The following GLYATL3 variants were observed in gnomAD, a reference collection of about 807,000 sequenced individuals.
The protein encoded by GLYATL3 is glycine N-acyltransferase-like protein 3.
GLYATL3 carries 31 observed loss-of-function variants against 28.5 expected under a neutral mutation model. The observed-to-expected ratio is 1.09, with a 90% CI of 0.82 to 1.47. The LOEUF is 1.47. GLYATL3 is among the 40% of genes most tolerant of loss of function. The pLI, the probability that GLYATL3 is intolerant of heterozygous loss-of-function variation, is 0.00. For synonymous variants in GLYATL3, 141 were observed against 140.2 expected (o/e 1.01, Z -0.04); for missense variants, 369 against 351.5 (o/e 1.05, Z -0.40).
chr6:49,509,686 T>C (rs1266491781), intron 1 of GLYATL3, among the ~76,000 whole-genome samples: 1 of 152,238 alleles, frequency 6.6e-6, no homozygotes, highest in Non-Finnish European at 1.5e-5. Flanking sequence ...TGCTGCTCTA[T>C]GCATGACTGC....
intron 1 of GLYATL3, among the ~76,000 whole-genome samples, chr6:49,510,805 G>T (rs1323985202): frequency 6.6e-6 from 1 of 152,152 alleles, no homozygotes; most frequent in Non-Finnish European, 1.5e-5. Flanking sequence ...TCTGACTCCT[G>T]CAGAGAGCAC....
At chr6:49,505,337 C>G (rs1279132496) in intron 1 of GLYATL3, among the ~76,000 whole-genome samples, 2 of 152,164 alleles carry the variant, frequency 1.3e-5, no homozygotes, top group African/African-American at 4.8e-5. Context: ...GTGGCATGGA[C>G]TACATAAGCT....
At chr6:49,511,745 T>C (rs1002862486) in intron 1 of GLYATL3, among the ~76,000 whole-genome samples, 3 of 152,240 alleles carry the variant, frequency 2.0e-5, no homozygotes, top group African/African-American at 7.2e-5. Context: ...TAACCAAGGA[T>C]AGATACTCAC....
intron 1 of GLYATL3, among the ~76,000 whole-genome samples, chr6:49,506,788 C>T (rs1769018464): frequency 6.6e-6 from 1 of 152,166 alleles, no homozygotes; most frequent in Non-Finnish European, 1.5e-5. Context: ...AAAGTGGCCA[C>T]TGCTCTACCC....
chr6:49,500,763 T>C (rs144319804), intron 1 of GLYATL3, among the ~76,000 whole-genome samples: 79 of 152,270 alleles, frequency 5.2e-4, no homozygotes, highest in South Asian at 1.7e-3. Flanking sequence ...ACTAATCAAG[T>C]GGTAAGGATA....
intron 5 of GLYATL3, among the ~76,000 whole-genome samples, chr6:49,523,248 T>C (rs568503304): frequency 1.0e-3 from 154 of 152,288 alleles, no homozygotes; most frequent in African/African-American, 3.6e-3. Context: ...CCCTAAGCAA[T>C]GACCTGTAAT....
At position 49,526,558 on chromosome 6, in the gene GLYATL3, C is replaced by T. The variant is rs975050182; in HGVS notation, c.511C>T (p.Arg171Trp). ...NADLLNRTWS[R>W]GGNEQCLRYI... ...GGATCTACTCAACCGGACTTGGTCC[C>T]GGGGAGGCAATGAACAATGTCTCCG... Residue 171 changes from arginine to tryptophan, a missense_variant, in exon 6 of 6, where the codon CGG becomes TGG. Physicochemically the swap from Arg to Trp is moderately radical, Grantham distance 101 (BLOSUM62 -3). Transcript: ENST00000371197. 1.3e-5 allele frequency: 20 copies of T among 1,551,824 alleles called. No homozygotes were observed. The highest frequency in any genetic ancestry group is 1.7e-5 in the Non-Finnish European group (19 of 1,146,994).
chr6:49,526,556 C>T lies in GLYATL3; in HGVS notation c.509C>T (p.Ser170Phe), dbSNP rs1322221202. 1.1e-5 allele frequency: 17 copies of T among 1,551,644 alleles called. No individual in the cohort carries two copies. The highest frequency in any genetic ancestry group is 1.5e-5 in the Non-Finnish European group (17 of 1,146,990). The change falls in exon 6 of 6, where the codon TCC (serine) becomes TTC (phenylalanine). Residue 170 changes from serine (S) to phenylalanine (F), a missense_variant. Coordinates refer to ENST00000371197, the MANE Select transcript of GLYATL3 (RefSeq NM_001010904.2). Reference protein sequence around the residue: ...ANADLLNRTWSRGGNEQCLRY... With the variant: ...ANADLLNRTWFRGGNEQCLRY... ...GCGGATCTACTCAACCGGACTTGGTCCCGGGGAGGCAATGAACAATGTCTC... is the reference window on the plus strand; with the variant it reads ...GCGGATCTACTCAACCGGACTTGGTTCCGGGGAGGCAATGAACAATGTCTC...
chr6:49,505,645 C>A (rs1296979853), intron 1 of GLYATL3, among the ~76,000 whole-genome samples: 1 of 152,196 alleles, frequency 6.6e-6, no homozygotes, highest in African/African-American at 2.4e-5. Context: ...AGTCTGCCAG[C>A]ACAAAGATGT....
chr6:49,504,598 G>T (rs1179075538), intron 1 of GLYATL3, among the ~76,000 whole-genome samples: 1 of 152,136 alleles, frequency 6.6e-6, no homozygotes, highest in Non-Finnish European at 1.5e-5. Flanking sequence ...TATGTGAGGG[G>T]TAGACAACTC....
intron 1 of GLYATL3, among the ~76,000 whole-genome samples, chr6:49,509,539 A>G (rs1278938228): frequency 6.6e-6 from 1 of 152,238 alleles, no homozygotes; most frequent in Admixed American, 6.5e-5. Flanking sequence ...AACACAAAGC[A>G]CAAAAACTTG....
intron 4 of GLYATL3, among the ~76,000 whole-genome samples, chr6:49,519,574 T>C (rs144586592): frequency 1.9e-3 from 282 of 152,304 alleles, no homozygotes; most frequent in African/African-American, 5.9e-3. Context: ...CATAACACAA[T>C]TCAAAAAGCC....
At chr6:49,512,681 T>C (rs1446078035) in intron 2 of GLYATL3, among the ~76,000 whole-genome samples, 2 of 152,208 alleles carry the variant, frequency 1.3e-5, no homozygotes, top group Non-Finnish European at 2.9e-5. Flanking sequence ...AAGAGCTGAA[T>C]TTCTTGAGCA....
rs1297519497 is a variant in GLYATL3, at chr6:49,515,680, C to T, written c.106C>T (p.Arg36Cys). 2.6e-6 allele frequency: 4 copies of T among 1,550,262 alleles called. No homozygotes were observed. The highest frequency in any genetic ancestry group is 1.4e-5 in the African/African-American group (1 of 73,074). ...TTACGGAGCGGTGATGAACATAAAT[C>T]GTGGGAACCCCTTTCAAAAGGAAGT... is the stretch of plus-strand genomic sequence containing the variant. ...KVYGAVMNIN[R>C]GNPFQKEVVL... The change falls in exon 3 of 6, where the codon CGT becomes TGT. Residue 36 changes from arginine (R) to cysteine (C), a missense_variant. Coordinates refer to ENST00000371197, the MANE Select transcript of GLYATL3 (RefSeq NM_001010904.2).
chr6:49,508,801 A>G (rs985769815), intron 1 of GLYATL3, among the ~76,000 whole-genome samples: 1 of 152,184 alleles, frequency 6.6e-6, no homozygotes, highest in Middle Eastern at 3.4e-3. Flanking sequence ...GGAGCATTTC[A>G]TCTTTTGTTC....
chr6:49,514,648 T>C (rs900661846), intron 2 of GLYATL3, among the ~76,000 whole-genome samples: 3 of 149,960 alleles, frequency 2.0e-5, no homozygotes, highest in African/African-American at 7.4e-5. Context: ...CTGGGCAACA[T>C]AATGAGACCG....
At chr6:49,501,076 T>C (rs963788134) in intron 1 of GLYATL3, among the ~76,000 whole-genome samples, 1 of 152,128 alleles carries the variant, frequency 6.6e-6, no homozygotes, top group African/African-American at 2.4e-5. Context: ...GAAGGGTAAG[T>C]TGAAGCCAAT....
chr6:49,509,916 A>AT, intron 1 of GLYATL3, among the ~76,000 whole-genome samples: 1 of 148,462 alleles, frequency 6.7e-6, no homozygotes, highest in Non-Finnish European at 1.5e-5. Flanking sequence ...AAACTTAATT[A>AT]TTTTTCTTGA....
At chr6:49,526,180 C>T (rs1769407541) in intron 5 of GLYATL3, among the ~76,000 whole-genome samples, 1 of 151,978 alleles carries the variant, frequency 6.6e-6, no homozygotes, top group Non-Finnish European at 1.5e-5. Context: ...CTTTGGGAGG[C>T]CGGGAGGGGT....
Sources: gnomAD v4.1 joint callset for allele counts (sites outside exome capture counted in the v4.1 genomes callset) on GRCh38, gnomAD v4.1.1 for gene constraint, MANE v1.5 for transcripts, NCBI Gene and HGNC (gene_info 2026-07-23, HGNC 2026-07-21) for gene names.